RSPO3: variants seen among roughly 807,000 people sequenced by gnomAD.
RSPO3 encodes the protein R-spondin-3.
A neutral mutation model predicts 36.5 loss-of-function variants in RSPO3; 17 were observed. The observed-to-expected ratio is 0.47, with a 90% confidence interval of 0.32 to 0.70. RSPO3 has a LOEUF of 0.70. Ranked by LOEUF, RSPO3 falls within the 30% of genes least tolerant of loss-of-function variation. The pLI, the probability that RSPO3 is intolerant of heterozygous loss-of-function variation, is 0.04. For synonymous variants in RSPO3, 108 were observed against 107.0 expected (o/e 1.01, Z -0.06); for missense variants, 294 against 322.5 (o/e 0.91, Z 0.68).
Position 127,119,297 on chromosome 6 carries a change from C to T in RSPO3, c.97+8C>T. ...GAAGGCGCCAGCGAAGAAGTAAGTG[C>T]AGGGTTTTTTACGCGTTTGCTCCCT... On this transcript the variant is annotated splice_region_variant and intron_variant, in intron 1 of 4. Coordinates refer to ENST00000356698, the MANE Select transcript of RSPO3 (RefSeq NM_032784.5). 1 of 1,607,320 alleles carries T rather than the reference C, an allele frequency of 6.2e-7. No homozygotes were observed. Among genetic ancestry groups the T allele is most frequent in the South Asian group, 1.1e-5 (1 of 90,492 alleles).
Position 127,188,589 on chromosome 6 carries a change from C to CATATAT in RSPO3, c.635-7221_635-7216dup, listed in dbSNP as rs34168265. On this transcript the variant is annotated intron_variant, in intron 4 of 4. Transcript: ENST00000356698. ...TAAATGATGTATAATTTTCAAGTTA[C>CATATAT]ATATATATATATATATATCATACCT... Among the ~76,000 whole-genome samples the CATATAT allele has an allele frequency of 6.2e-4, 92 of 147,376 alleles. No individual in the cohort carries two copies. The South Asian group carries it at 6.3e-3, about 10-fold the overall frequency.
At chr6:127,184,858 C>A (rs1182643741) in intron 4 of RSPO3, among the ~76,000 whole-genome samples, 2 of 151,600 alleles carry the variant, frequency 1.3e-5, no homozygotes, top group African/African-American at 4.8e-5. Flanking sequence ...TAAAATTCAC[C>A]CCAAAAATAG....
intron 1 of RSPO3, among the ~76,000 whole-genome samples, chr6:127,145,909 T>C (rs1774373510): frequency 2.6e-5 from 4 of 152,172 alleles, no homozygotes; most frequent in African/African-American, 9.7e-5. Flanking sequence ...TAGACCAAAG[T>C]TTTTTGTGGT....
intron 4 of RSPO3, among the ~76,000 whole-genome samples, chr6:127,194,848 T>C (rs1326931884): frequency 3.3e-5 from 5 of 152,192 alleles, no homozygotes; most frequent in Non-Finnish European, 7.4e-5. Flanking sequence ...CCAGTATACA[T>C]GTGATAAATA....
chr6:127,173,440 T>C (rs192078167), intron 4 of RSPO3, among the ~76,000 whole-genome samples: 2 of 152,010 alleles, frequency 1.3e-5, no homozygotes, highest in African/African-American at 4.8e-5. Context: ...TGCTTAAATA[T>C]AAATCCTAAT....
intron 1 of RSPO3, among the ~76,000 whole-genome samples, chr6:127,142,034 C>G (rs1774282118): frequency 1.3e-5 from 2 of 151,950 alleles, no homozygotes; most frequent in South Asian, 2.1e-4. Context: ...AGATGATAAA[C>G]AGTATTTCAA....
intron 1 of RSPO3, among the ~76,000 whole-genome samples, chr6:127,137,619 C>T (rs1277915068): frequency 6.6e-6 from 1 of 152,146 alleles, no homozygotes; most frequent in Non-Finnish European, 1.5e-5. Context: ...TTCAAGAGCC[C>T]TTTAAATTCC....
chr6:127,176,274 T>C (rs1216512078), intron 4 of RSPO3, among the ~76,000 whole-genome samples: 4 of 151,748 alleles, frequency 2.6e-5, no homozygotes, highest in South Asian at 4.1e-4. Flanking sequence ...GTTGTCCAGA[T>C]TGCATTGACT....
intron 4 of RSPO3, among the ~76,000 whole-genome samples, chr6:127,195,402 C>G (rs567993952): frequency 6.6e-6 from 1 of 152,312 alleles, no homozygotes; most frequent in East Asian, 1.9e-4. Context: ...CTCTTGGGCT[C>G]AAGCAGTCCT....
Position 127,197,202 on chromosome 6 carries a change from A to C in RSPO3, c.*1195A>C. The C allele has an allele frequency of 2.0e-6, 1 of 504,602 alleles. No homozygotes were observed. Among genetic ancestry groups the C allele is most frequent in the Non-Finnish European group, 3.4e-6 (1 of 292,032 alleles). The allele number at this position is 504,602 out of a possible 1,614,324, so 31.3% of individuals were successfully genotyped here. On this transcript the variant is annotated 3_prime_UTR_variant, in exon 5 of 5. Coordinates refer to ENST00000356698, the MANE Select transcript of RSPO3 (RefSeq NM_032784.5). ...ATATTTGTTTTTTGAATCCACCTTT[A>C]TCTGAGCCAATGGAGATTTACTTAT...
In RSPO3 at chr6:127,197,667, C is replaced by T. The variant is rs1582819995; in HGVS notation, c.*1660C>T. Reference sequence around the variant, plus strand: ...CTTCTGGCTGCTTATCTCTGGACACCCGTTCTCCACCAGTTGTACAGTTCA... The same window carrying T: ...CTTCTGGCTGCTTATCTCTGGACACTCGTTCTCCACCAGTTGTACAGTTCA... On this transcript the variant is annotated 3_prime_UTR_variant, in exon 5 of 5. Coordinates refer to ENST00000356698, the MANE Select transcript of RSPO3 (RefSeq NM_032784.5). 2.1e-6 allele frequency: 2 copies of T among 963,912 alleles called. No homozygotes were observed. The highest frequency in any genetic ancestry group is 3.3e-5 in the African/African-American group (2 of 61,098). 59.7% of individuals were successfully genotyped at this position (963,912 alleles called of 1,614,324 possible).
At position 127,143,936 on chromosome 6, in the gene RSPO3, T is replaced by C. The variant is rs1428393845; in HGVS notation, c.98-4712T>C. Among the ~76,000 whole-genome samples the C allele has an allele frequency of 2.6e-5, 4 of 152,200 alleles. No homozygotes were observed. The South Asian group carries it at 6.2e-4, about 24-fold the overall frequency. The stretch of plus-strand genomic sequence containing the variant: ...AAAATTCTGTATTCTGGATATTTTA[T>C]CAAAGTTGAATTAACTCTTATGATA... On this transcript the variant is annotated intron_variant, in intron 1 of 4. Coordinates refer to ENST00000356698, the MANE Select transcript of RSPO3 (RefSeq NM_032784.5).
intron 4 of RSPO3, among the ~76,000 whole-genome samples, chr6:127,160,189 A>G (rs898176340): frequency 6.6e-6 from 1 of 152,164 alleles, no homozygotes; most frequent in Non-Finnish European, 1.5e-5. Flanking sequence ...TGATACTTTA[A>G]AATTTCATCT....
At chr6:127,137,285 G>A (rs1271773872) in intron 1 of RSPO3, among the ~76,000 whole-genome samples, 2 of 152,102 alleles carry the variant, frequency 1.3e-5, no homozygotes, top group East Asian at 3.9e-4. Flanking sequence ...CAGCTACTTG[G>A]GAGGCTGAGG....
chr6:127,153,903 A>G (rs1007084853), intron 3 of RSPO3, among the ~76,000 whole-genome samples: 2 of 152,130 alleles, frequency 1.3e-5, no homozygotes, highest in African/African-American at 4.8e-5. Flanking sequence ...AGAGATTATA[A>G]TATTATTAAT....
intron 1 of RSPO3, among the ~76,000 whole-genome samples, chr6:127,125,991 C>T (rs1773932316): frequency 6.6e-6 from 1 of 152,008 alleles, no homozygotes; most frequent in Non-Finnish European, 1.5e-5. Flanking sequence ...GTATATACAG[C>T]AGATAATTTC....
At chr6:127,166,944 T>A (rs999672653) in intron 4 of RSPO3, among the ~76,000 whole-genome samples, 1 of 152,102 alleles carries the variant, frequency 6.6e-6, no homozygotes, top group South Asian at 2.1e-4. Context: ...ATATGTTTTA[T>A]CCAATTTTCT....
At chr6:127,134,785 T>A (rs1774120788) in intron 1 of RSPO3, among the ~76,000 whole-genome samples, 1 of 152,200 alleles carries the variant, frequency 6.6e-6, no homozygotes, top group African/African-American at 2.4e-5. Context: ...TTTCATGAGA[T>A]ATTATTCCAT....
chr6:127,187,188 T>C (rs1775312972), intron 4 of RSPO3, among the ~76,000 whole-genome samples: 1 of 152,098 alleles, frequency 6.6e-6, no homozygotes, highest in African/African-American at 2.4e-5. Context: ...TTTGAGATAG[T>C]CACTAATATT....
Sources: gnomAD v4.1 joint callset for allele counts (sites outside exome capture counted in the v4.1 genomes callset) on GRCh38, gnomAD v4.1.1 for gene constraint, MANE v1.5 for transcripts, NCBI Gene and HGNC (gene_info 2026-07-23, HGNC 2026-07-21) for gene names.